Variants in PCDHGB5 observed in about 807,000 individuals in gnomAD.
The protein encoded by PCDHGB5 is protocadherin gamma-B5.
PCDHGB5 carries 48 observed loss-of-function variants against 62.9 expected under a neutral mutation model. That is an observed-to-expected ratio of 0.76 (90% CI 0.61 to 0.97). PCDHGB5 has a LOEUF of 0.97. Among genes scored for constraint, PCDHGB5 ranks in the 50% least tolerant of loss-of-function variants. The pLI, the probability that PCDHGB5 is intolerant of heterozygous loss-of-function variation, is 0.00. For synonymous variants in PCDHGB5, 474 were observed against 511.2 expected, an observed-to-expected ratio of 0.93 and a Z score of 0.98; for missense variants, 1,118 against 1,198.6, an observed-to-expected ratio of 0.93 and a Z score of 0.99.
Position 141,432,548 on chromosome 5 carries a change from G to T in PCDHGB5, c.2397+32024G>T, listed in dbSNP as rs1251651638. On this transcript the variant is annotated intron_variant, in intron 1 of 3. Coordinates refer to ENST00000617380, the MANE Select transcript of PCDHGB5 (RefSeq NM_018925.3). The surrounding 1 kb of genome is among the most constrained non-coding windows in gnomAD (Gnocchi z 6.0). ...GACCAAGGTGGTGGCGGTGGACAGA[G>T]ACTCCGGCCAGAACGCCTGGCTGTC... 1.9e-6 allele frequency: 3 copies of T among 1,613,998 alleles called. No homozygotes were observed. The South Asian group carries it at 3.3e-5, about 18-fold the overall frequency.
chr5:141,397,960 A>C lies in PCDHGB5; in HGVS notation c.-168A>C. ...GCGCTTTCCAGGGCAGCCCCAGCTC[A>C]GACTCCCCAGCGCCGGCCTTTACAC... On this transcript the variant is annotated 5_prime_UTR_variant, in exon 1 of 4. Coordinates refer to ENST00000617380, the MANE Select transcript of PCDHGB5 (RefSeq NM_018925.3). The C allele has an allele frequency of 2.0e-6, 2 of 1,021,904 alleles. No homozygotes were observed. Among genetic ancestry groups the C allele is most frequent in the East Asian group, 2.6e-5 (1 of 37,990 alleles). The allele number at this position is 1,021,904 out of a possible 1,614,324, so 63.3% of individuals were successfully genotyped here.
chr5:141,459,580 G>C (rs1364413383), intron 1 of PCDHGB5, among the ~76,000 whole-genome samples: 1 of 152,118 alleles, frequency 6.6e-6, no homozygotes, highest in Non-Finnish European at 1.5e-5. Flanking sequence ...GAATTGTTTT[G>C]GGGGTCATAT....
intron 1 of PCDHGB5, chr5:141,419,027 GTTCCAT>G: frequency 6.2e-7 from 1 of 1,613,870 alleles, no homozygotes; most frequent in Non-Finnish European, 8.5e-7. Context: ...AAGTAGAGGT[GTTCCAT>G]TTAAGATTCA....
chr5:141,436,193 A>G (rs2097801112), intron 1 of PCDHGB5, among the ~76,000 whole-genome samples: 1 of 152,156 alleles, frequency 6.6e-6, no homozygotes, highest in South Asian at 2.1e-4. Flanking sequence ...AAATAGAAAG[A>G]AAGACATAAT....
At chr5:141,464,746 T>G (rs1317670068) in intron 1 of PCDHGB5, among the ~76,000 whole-genome samples, 1 of 152,220 alleles carries the variant, frequency 6.6e-6, no homozygotes, top group Non-Finnish European at 1.5e-5. Context: ...TATATCTTTT[T>G]GTTTTTTTAG....
At chr5:141,403,179 C>T (rs1341077920) in intron 1 of PCDHGB5, 1 of 1,614,000 alleles carries the variant, frequency 6.2e-7, no homozygotes, top group Admixed American at 1.7e-5. Flanking sequence ...CAGCTTTTCT[C>T]TCTGAACCCG....
intron 1 of PCDHGB5, among the ~76,000 whole-genome samples, chr5:141,472,437 G>A (rs1332528325): frequency 6.6e-6 from 1 of 152,116 alleles, no homozygotes; most frequent in Non-Finnish European, 1.5e-5. Flanking sequence ...CTACTAGGGA[G>A]GCTGAGGCAG....
chr5:141,462,011 C>T (rs567038580), intron 1 of PCDHGB5, among the ~76,000 whole-genome samples: 32 of 152,182 alleles, frequency 2.1e-4, no homozygotes, highest in Admixed American at 5.9e-4. Flanking sequence ...TTAATAGAGA[C>T]GGGGTTTCTT....
chr5:141,487,041 G>C lies in PCDHGB5; in HGVS notation c.2398-7766G>C, dbSNP rs149314216. On this transcript the variant is annotated intron_variant, in intron 1 of 3. Coordinates refer to ENST00000617380, the MANE Select transcript of PCDHGB5 (RefSeq NM_018925.3). The surrounding 1 kb of genome is among the most constrained non-coding windows in gnomAD (Gnocchi z 5.0). ...GATCCCAGCCTGTTTGCAGTCTCTC[G>C]ATATGCTGGGGAGGTGCGGACGGCT... 2.5e-6 allele frequency: 4 copies of C among 1,614,018 alleles called. No homozygotes were observed. Among genetic ancestry groups the C allele is most frequent in the South Asian group, 2.2e-5 (2 of 91,084 alleles).
chr5:141,505,557 A>C (rs2099846692), intron 3 of PCDHGB5, 76 bp downstream of exon 3: 1 of 1,606,080 alleles, frequency 6.2e-7, no homozygotes, highest in Non-Finnish European at 8.5e-7. Flanking sequence ...CACCATGCCC[A>C]CGGACTGGAT....
At chr5:141,403,150 C>G (rs1420317278) in intron 1 of PCDHGB5, 2 of 1,614,046 alleles carry the variant, frequency 1.2e-6, no homozygotes, top group Non-Finnish European at 1.7e-6. Flanking sequence ...GAGTCCGCAT[C>G]GTCTCTAGAG....
rs1562131721 is a variant in PCDHGB5, at chr5:141,489,636, C to CGAGA, written c.2398-5171_2398-5170insGAGA. 10 of 1,614,074 alleles carry CGAGA rather than the reference C, an allele frequency of 6.2e-6. No individual in the cohort carries two copies. The highest frequency in any genetic ancestry group is 2.7e-5 in the African/African-American group (2 of 74,930). On this transcript the variant is annotated intron_variant, in intron 1 of 3. Coordinates refer to ENST00000617380, the MANE Select transcript of PCDHGB5 (RefSeq NM_018925.3). This position sits in a 1 kb window ranked among gnomAD's most constrained non-coding sequence, Gnocchi z 4.5. ...TGGATCTCAATGACAACTCTCCTAG[C>CGAGA]TTTGCCACCCCTGAGCGAGAGATGC...
intron 1 of PCDHGB5, chr5:141,408,193 C>T (rs1280310689): frequency 6.5e-7 from 1 of 1,545,210 alleles, no homozygotes; most frequent in Non-Finnish European, 8.7e-7. Flanking sequence ...AGCGAGAACC[C>T]GAGCGAACGA....
Position 141,414,535 on chromosome 5 carries a change from C to T in PCDHGB5, c.2397+14011C>T, listed in dbSNP as rs2095756820. The T allele has an allele frequency of 6.2e-7, 1 of 1,613,962 alleles. No individual in the cohort carries two copies. On this transcript the variant is annotated intron_variant, in intron 1 of 3. Coordinates refer to ENST00000617380, the MANE Select transcript of PCDHGB5 (RefSeq NM_018925.3). The stretch of plus-strand genomic sequence containing the variant: ...AGTGGCAGATATCAATGACAACCCA[C>T]CTACCTTCTCTCAAGTCTCCTACTT...
intron 1 of PCDHGB5, among the ~76,000 whole-genome samples, chr5:141,445,458 A>G (rs1427391084): frequency 6.6e-6 from 1 of 152,248 alleles, no homozygotes; most frequent in Non-Finnish European, 1.5e-5. Flanking sequence ...TGCAGCAATG[A>G]ACAAGGCATA....
At chr5:141,413,873 G>A (rs544856148) in intron 1 of PCDHGB5, 4 of 1,613,372 alleles carry the variant, frequency 2.5e-6, no homozygotes, top group Admixed American at 1.7e-5. Context: ...GTCCTTGTCA[G>A]TGTGACTGTC....
chr5:141,471,112 G>A (rs1442344944), intron 1 of PCDHGB5, among the ~76,000 whole-genome samples: 3 of 147,914 alleles, frequency 2.0e-5, no homozygotes, highest in Non-Finnish European at 4.4e-5. Flanking sequence ...GCAGTGGTGC[G>A]ATCTTACCTT....
chr5:141,427,991 C>T (rs748924488), intron 1 of PCDHGB5: 1 of 1,599,024 alleles, frequency 6.3e-7, no homozygotes, highest in Non-Finnish European at 8.6e-7. Context: ...GGCCCGATGG[C>T]TCCGCACTCT....
intron 1 of PCDHGB5, chr5:141,419,373 T>C: frequency 1.9e-6 from 3 of 1,613,754 alleles, no homozygotes; most frequent in Non-Finnish European, 2.5e-6. Context: ...TCGTCCTACG[T>C]GTCCGTGAGC....
Sources: gnomAD v4.1 joint callset for allele counts (sites outside exome capture counted in the v4.1 genomes callset) on GRCh38, gnomAD v4.1.1 for gene constraint, Gnocchi (gnomAD v3.1) non-coding constraint, MANE v1.5 for transcripts, NCBI Gene and HGNC (gene_info 2026-07-23, HGNC 2026-07-21) for gene names.